RALA: variants seen among roughly 807,000 people sequenced by gnomAD.
The protein encoded by RALA is RAS like proto-oncogene A, also known as ras-related protein Ral-A.
Under a neutral mutation model 24.0 loss-of-function variants are expected in RALA, and 5 were observed. That is an observed-to-expected ratio of 0.21 (90% CI 0.11 to 0.44). The LOEUF (loss-of-function observed/expected upper bound fraction) is 0.44, where lower values mean the gene tolerates loss of function less well. RALA is among the 20% of genes least tolerant of loss of function. The pLI is 0.99. For synonymous variants in RALA, 77 were observed against 83.8 expected, an observed-to-expected ratio of 0.92 and a Z score of 0.44; for missense variants, 95 against 241.2, an observed-to-expected ratio of 0.39 and a Z score of 4.01.
chr7:39,691,656 CAAG>C (rs1414739556), intron 3 of RALA, among the ~76,000 whole-genome samples: 1 of 152,170 alleles, frequency 6.6e-6, no homozygotes, highest in Non-Finnish European at 1.5e-5. Flanking sequence ...TTGAAAATCT[CAAG>C]AACTTATTCT....
chr7:39,662,887 A>G (rs1193730208), intron 1 of RALA, among the ~76,000 whole-genome samples: 1 of 152,216 alleles, frequency 6.6e-6, no homozygotes, highest in Non-Finnish European at 1.5e-5. Flanking sequence ...GCTGATAAAG[A>G]CACATCCAAG....
At chr7:39,639,044 G>A (rs527370547) in intron 1 of RALA, among the ~76,000 whole-genome samples, 58 of 152,198 alleles carry the variant, frequency 3.8e-4, no homozygotes, top group Non-Finnish European at 8.4e-4. Flanking sequence ...TACACAGTAA[G>A]TCCTCACTTA....
At chr7:39,669,215 C>G (rs1231398553) in intron 1 of RALA, among the ~76,000 whole-genome samples, 1 of 152,184 alleles carries the variant, frequency 6.6e-6, no homozygotes, top group Non-Finnish European at 1.5e-5. Context: ...TTCCCTCCCC[C>G]TCTTGCTCCA....
At chr7:39,654,502 T>C (rs542794770) in intron 1 of RALA, among the ~76,000 whole-genome samples, 2 of 152,350 alleles carry the variant, frequency 1.3e-5, no homozygotes, top group South Asian at 2.1e-4. Flanking sequence ...CTGTGACTTA[T>C]CCTTTCATTT....
chr7:39,687,448 T>C (rs1175198001), intron 2 of RALA, among the ~76,000 whole-genome samples: 1 of 152,158 alleles, frequency 6.6e-6, no homozygotes, highest in East Asian at 1.9e-4. Context: ...AAAATTCTTT[T>C]AATAAACTTG....
intron 1 of RALA, among the ~76,000 whole-genome samples, chr7:39,669,742 G>A (rs1411242942): frequency 6.6e-6 from 1 of 151,442 alleles, no homozygotes; most frequent in African/African-American, 2.4e-5. Context: ...GGAGTTTAGG[G>A]CTGTAGTGAG....
chr7:39,661,971 A>G (rs1792199851), intron 1 of RALA, among the ~76,000 whole-genome samples: 2 of 152,090 alleles, frequency 1.3e-5, no homozygotes, highest in Non-Finnish European at 2.9e-5. Flanking sequence ...TCAGTTCTTG[A>G]CTTCTGTGCA....
intron 1 of RALA, among the ~76,000 whole-genome samples, chr7:39,665,993 G>A (rs1035640420): frequency 7.2e-5 from 11 of 152,046 alleles, no homozygotes; most frequent in Admixed American, 2.0e-4. Flanking sequence ...AATTAAGTAC[G>A]CAGTTGAAAA....
At chr7:39,688,020 G>A (rs187411456) in intron 2 of RALA, among the ~76,000 whole-genome samples, 1 of 152,048 alleles carries the variant, frequency 6.6e-6, no homozygotes, top group East Asian at 1.9e-4. Flanking sequence ...CCCAAAGCTG[G>A]GATTACAGGT....
At chr7:39,683,016 G>A (rs979689024) in intron 1 of RALA, among the ~76,000 whole-genome samples, 2 of 152,122 alleles carry the variant, frequency 1.3e-5, no homozygotes, top group African/African-American at 4.8e-5. Context: ...GATTAGATAA[G>A]ATCATCAGGG....
intron 1 of RALA, among the ~76,000 whole-genome samples, chr7:39,653,562 C>T (rs1461598631): frequency 6.6e-6 from 1 of 152,068 alleles, no homozygotes; most frequent in African/African-American, 2.4e-5. Flanking sequence ...TCCTGAGCTC[C>T]TATAATCCTC....
rs1229809911 is a variant in RALA, at chr7:39,707,400, C to A, written c.*1155C>A. ...AGGAATTATTAGGAGTAATTCTTTT[C>A]TGTTTCTGTTTATAATGAAGAACAC... On this transcript the variant is annotated 3_prime_UTR_variant, in exon 5 of 5. Transcript: ENST00000005257. 6.6e-6 allele frequency: 1 copy of A among 152,132 alleles called. No homozygotes were observed. Among genetic ancestry groups the A allele is most frequent in the Non-Finnish European group, 1.5e-5 (1 of 68,016 alleles). 9.4% of individuals were successfully genotyped at this position (152,132 alleles called of 1,614,324 possible).
At chr7:39,684,270 C>T (rs1001856189) in intron 1 of RALA, among the ~76,000 whole-genome samples, 2 of 152,056 alleles carry the variant, frequency 1.3e-5, no homozygotes, top group African/African-American at 4.8e-5. Context: ...ACTGCTTCTG[C>T]TAAAATGCTT....
At chr7:39,684,226 G>A (rs1341583641) in intron 1 of RALA, among the ~76,000 whole-genome samples, 1 of 152,164 alleles carries the variant, frequency 6.6e-6, no homozygotes, top group East Asian at 1.9e-4. Context: ...TAGCCTGTAA[G>A]TGTAAATTTT....
chr7:39,680,400 A>AAACAAAAAAAC (rs553916255), intron 1 of RALA, among the ~76,000 whole-genome samples: 4 of 146,698 alleles, frequency 2.7e-5, no homozygotes, highest in African/African-American at 5.2e-5. Context: ...AACAAAAAAA[A>AAACAAAAAAAC]CACAAATATA....
At chr7:39,703,758 G>A (rs576497588) in intron 4 of RALA, among the ~76,000 whole-genome samples, 2 of 152,204 alleles carry the variant, frequency 1.3e-5, no homozygotes, top group African/African-American at 2.4e-5. Context: ...TTTTGTACTT[G>A]TATCTTTTCT....
intron 1 of RALA, among the ~76,000 whole-genome samples, chr7:39,649,046 CGA>C (rs1791976077): frequency 6.6e-6 from 1 of 152,016 alleles, no homozygotes; most frequent in African/African-American, 2.4e-5. Flanking sequence ...TGCGACAGAG[CGA>C]GACCCTGTCT....
chr7:39,705,522 A>C (rs1793105732), intron 4 of RALA, among the ~76,000 whole-genome samples: 2 of 152,104 alleles, frequency 1.3e-5, no homozygotes, highest in African/African-American at 2.4e-5. Context: ...TAATTTTCTT[A>C]GTTACTATGC....
At chr7:39,701,977 A>G (rs1161603725) in intron 4 of RALA, among the ~76,000 whole-genome samples, 1 of 152,220 alleles carries the variant, frequency 6.6e-6, no homozygotes, top group African/African-American at 2.4e-5. Flanking sequence ...ATTTTAAGGA[A>G]CATTTTGGCA....
Sources: allele counts gnomAD v4.1 joint callset (sites outside exome capture counted in the v4.1 genomes callset), GRCh38; gene constraint gnomAD v4.1.1; transcripts MANE v1.5; gene names NCBI Gene and HGNC (gene_info 2026-07-23, HGNC 2026-07-21).